The following HTT-AS variants were observed in gnomAD, a reference collection of about 807,000 sequenced individuals.
The protein encoded by HTT-AS is HTT antisense RNA (head to head).
At chr4:3,053,753 AC>A (rs1229404863) in intron 2 of HTT-AS, among the ~76,000 whole-genome samples, 40 of 149,330 alleles carry the variant, frequency 2.7e-4, no homozygotes, top group African/African-American at 9.4e-4. Flanking sequence ...AGGTTTGCTA[AC>A]TTCTTTTTTT....
At chr4:3,057,459 C>T (rs926379835) in intron 2 of HTT-AS, among the ~76,000 whole-genome samples, 1 of 152,042 alleles carries the variant, frequency 6.6e-6, no homozygotes, top group African/African-American at 2.4e-5. Flanking sequence ...GAAAGGGGTC[C>T]CAATGCTGAC....
chr4:3,067,382 A>G (rs1250865473), intron 1 of HTT-AS, among the ~76,000 whole-genome samples: 1 of 152,206 alleles, frequency 6.6e-6, no homozygotes, highest in African/African-American at 2.4e-5. Context: ...AATTCCAAGG[A>G]GAAAAAAAGA....
intron 2 of HTT-AS, among the ~76,000 whole-genome samples, chr4:3,061,720 G>A (rs1296457500): frequency 1.3e-5 from 2 of 148,700 alleles, no homozygotes; most frequent in Non-Finnish European, 3.0e-5. Context: ...AGTGGCTCAC[G>A]CCTGTAATCC....
At chr4:3,048,906 C>T (rs980393793), downstream of HTT-AS, among the ~76,000 whole-genome samples, 4 of 152,100 alleles carry the variant, frequency 2.6e-5, no homozygotes, top group African/African-American at 4.8e-5. Context: ...AGGAGTGAAC[C>T]GATATTCTGT....
At chr4:3,074,206 G>A (rs1399336565) in intron 1 of HTT-AS, among the ~76,000 whole-genome samples, 2 of 114,258 alleles carry the variant, frequency 1.8e-5, no homozygotes, top group Non-Finnish European at 3.7e-5. Flanking sequence ...CCTGCCTAAT[G>A]TCCCCGTCCC....
At chr4:3,050,152 T>G (rs983904513) in intron 2 of HTT-AS, among the ~76,000 whole-genome samples, 8 of 152,332 alleles carry the variant, frequency 5.3e-5, no homozygotes, top group African/African-American at 1.7e-4. Context: ...GTGGCCGTCC[T>G]GGTTCTCCGT....
chr4:3,064,061 C>CTTA (rs1165182593), intron 1 of HTT-AS, among the ~76,000 whole-genome samples: 1 of 150,580 alleles, frequency 6.6e-6, no homozygotes, highest in African/African-American at 2.4e-5. Context: ...AAAGTGCTGG[C>CTTA]TATAACACAG....
intron 1 of HTT-AS, among the ~76,000 whole-genome samples, chr4:3,067,552 G>A (rs1173788504): frequency 6.6e-6 from 1 of 152,160 alleles, no homozygotes; most frequent in African/African-American, 2.4e-5. Flanking sequence ...AGGGACAGCT[G>A]GTCACACCTT....
chr4:3,046,762 T>G (rs913013372), downstream of HTT-AS, among the ~76,000 whole-genome samples: 4 of 152,242 alleles, frequency 2.6e-5, no homozygotes, highest in Non-Finnish European at 4.4e-5. Flanking sequence ...GATCTATGTG[T>G]TTCCTTAAAG....
In HTT-AS at chr4:3,070,494, T is replaced by A. The variant is rs184703169; in HGVS notation, n.113+3932A>T. ...TTAGTTGAGAGAGGGTTTCATCTTG[T>A]TGGTCAGGCGGACTTGAACTCCTGA... On this transcript the variant is annotated intron_variant and non_coding_transcript_variant, in intron 1 of 2. Transcript: ENST00000664062. Among the ~76,000 whole-genome samples the A allele has an allele frequency of 9.8e-5, 15 of 152,320 alleles. No individual in the cohort carries two copies. In the East Asian group the frequency reaches 2.7e-3, roughly 27 times the overall value.
intron 2 of HTT-AS, among the ~76,000 whole-genome samples, chr4:3,061,249 A>G (rs1359318323): frequency 2.0e-5 from 3 of 152,210 alleles, no homozygotes; most frequent in African/African-American, 4.8e-5. Context: ...GTCAATTCAT[A>G]TATGTAAGAA....
chr4:3,047,008 T>G (rs1711599145), downstream of HTT-AS, among the ~76,000 whole-genome samples: 1 of 152,090 alleles, frequency 6.6e-6, no homozygotes, highest in Admixed American at 6.6e-5. Flanking sequence ...AATATATATA[T>G]AGAATAAGAA....
rs540866141 is a variant in HTT-AS, at chr4:3,067,273, G to C, written n.114-3573C>G. On this transcript the variant is annotated intron_variant and non_coding_transcript_variant, in intron 1 of 2. Transcript: ENST00000664062. The stretch of plus-strand genomic sequence containing the variant: ...ATACATTTATTTGGAGTACCAGGGA[G>C]AGAGAGAAGGAGAAGAACAGAAGCC... Among the ~76,000 whole-genome samples the C allele has an allele frequency of 1.1e-3, 172 of 152,244 alleles. 7 individuals carry two copies. The highest frequency in any genetic ancestry group is 2.5e-3 in the Admixed American group (38 of 15,296).
At chr4:3,072,825 G>A (rs1470049425) in intron 1 of HTT-AS, among the ~76,000 whole-genome samples, 2 of 152,114 alleles carry the variant, frequency 1.3e-5, no homozygotes, top group Non-Finnish European at 1.5e-5. Context: ...ACAGGGTTTC[G>A]CCATGTTGGC....
intron 1 of HTT-AS, among the ~76,000 whole-genome samples, chr4:3,073,569 G>A (rs187843805): frequency 6.6e-6 from 1 of 152,354 alleles, no homozygotes; most frequent in Admixed American, 6.5e-5. Flanking sequence ...GCTGCTTCTC[G>A]CTGCACTAAT....
chr4:3,069,090 C>A (rs1042340274), intron 1 of HTT-AS, among the ~76,000 whole-genome samples: 5 of 151,840 alleles, frequency 3.3e-5, no homozygotes, highest in Non-Finnish European at 7.4e-5. Flanking sequence ...GATTTTGATA[C>A]CTGGAGGATG....
intron 2 of HTT-AS, among the ~76,000 whole-genome samples, chr4:3,054,807 T>A (rs1296574012): frequency 6.6e-6 from 1 of 151,408 alleles, no homozygotes; most frequent in Non-Finnish European, 1.5e-5. Context: ...CTCTGCCCCC[T>A]GGGTTTAAGC....
rs561554682 is a variant in HTT-AS, at chr4:3,052,670, G to T, written n.1381-2972C>A. 2.1e-3 allele frequency among the ~76,000 whole-genome samples: 314 copies of T among 152,018 alleles called. 1 individual carries two copies. The highest frequency in any genetic ancestry group is 7.1e-3 in the African/African-American group (295 of 41,452). On this transcript the variant is annotated intron_variant and non_coding_transcript_variant, in intron 2 of 2. Coordinates refer to ENST00000664062, the Ensembl canonical transcript of HTT-AS. ...TATGGGGCTGACTCCCTCTTTTTTG[G>T]GGGGGATCCAGGATCTGGTATAAAA...
chr4:3,053,005 AAG>A (rs1435192317), intron 2 of HTT-AS, among the ~76,000 whole-genome samples: 1 of 152,068 alleles, frequency 6.6e-6, no homozygotes, highest in Non-Finnish European at 1.5e-5. Flanking sequence ...AAAAAAAAAA[AAG>A]AGACCCTTAA....
Sources: allele counts gnomAD v4.1 joint callset (sites outside exome capture counted in the v4.1 genomes callset), GRCh38; gene constraint gnomAD v4.1.1; transcripts MANE v1.5; gene names NCBI Gene and HGNC (gene_info 2026-07-23, HGNC 2026-07-21).